Variants in NIM1K observed in about 807,000 individuals in gnomAD.
The protein encoded by NIM1K is serine/threonine-protein kinase NIM1.
NIM1K carries 35 observed loss-of-function variants against 37.1 expected under a neutral mutation model. That is an observed-to-expected ratio of 0.94 (90% CI 0.72 to 1.25). The LOEUF is 1.25. Among genes scored for constraint, NIM1K ranks in the 50% most tolerant of loss-of-function variants. The probability of loss-of-function intolerance (pLI) is 0.00; values close to 1 mark genes in which losing one functional copy is unlikely to be tolerated. For synonymous variants in NIM1K, 234 were observed against 206.6 expected (o/e 1.13, Z -1.14); for missense variants, 564 against 548.0 (o/e 1.03, Z -0.29).
At chr5:43,271,766 C>A (rs1166012064) in intron 2 of NIM1K, among the ~76,000 whole-genome samples, 5 of 152,172 alleles carry the variant, frequency 3.3e-5, no homozygotes, top group African/African-American at 9.7e-5. Context: ...AGTAAAGATA[C>A]AGGACAAGTC....
At chr5:43,225,368 T>C (rs1752440909) in intron 1 of NIM1K, 1 of 151,522 alleles carries the variant, frequency 6.6e-6, no homozygotes, top group Admixed American at 6.6e-5. Flanking sequence ...TTAAAAGGAC[T>C]TGCATTCCTC....
chr5:43,237,838 CTGTACTGTT>C (rs1352191127), intron 1 of NIM1K, among the ~76,000 whole-genome samples: 1 of 151,948 alleles, frequency 6.6e-6, no homozygotes, highest in Non-Finnish European at 1.5e-5. Context: ...TTTTTTCTCA[CTGTACTGTT>C]TTTTAAATTT....
At chr5:43,255,754 A>AAAAAAAGAAAGAAAGAAAG (rs112325348) in intron 2 of NIM1K, among the ~76,000 whole-genome samples, 47 of 131,888 alleles carry the variant, frequency 3.6e-4, no homozygotes, top group African/African-American at 1.1e-3. Context: ...TCTCAAAAAA[A>AAAAAAAGAAAGAAAGAAAG]AAAGAAAGAA....
chr5:43,244,586 T>C (rs1030334440), intron 1 of NIM1K, among the ~76,000 whole-genome samples: 1 of 151,998 alleles, frequency 6.6e-6, no homozygotes, highest in Non-Finnish European at 1.5e-5. Flanking sequence ...AAAAAGTGAA[T>C]GTAGGAGGAA....
chr5:43,275,561 C>T (rs1001628963), intron 2 of NIM1K, among the ~76,000 whole-genome samples: 1 of 152,224 alleles, frequency 6.6e-6, no homozygotes, highest in African/African-American at 2.4e-5. Flanking sequence ...CTCCTGGCCT[C>T]ACCAGCACGC....
chr5:43,194,798 A>G (rs1002712746), intron 1 of NIM1K: 1 of 152,122 alleles, frequency 6.6e-6, no homozygotes, highest in Non-Finnish European at 1.5e-5. Context: ...GGGTCTCGCC[A>G]TGTTGCCCAG....
chr5:43,226,736 C>T (rs926394394), intron 1 of NIM1K, among the ~76,000 whole-genome samples: 15 of 152,288 alleles, frequency 9.8e-5, no homozygotes, highest in African/African-American at 3.6e-4. Flanking sequence ...GGATGAACCC[C>T]TCAGTGCATG....
chr5:43,271,051 C>G (rs540477764), intron 2 of NIM1K, among the ~76,000 whole-genome samples: 1 of 151,762 alleles, frequency 6.6e-6, no homozygotes, highest in Admixed American at 6.6e-5. Flanking sequence ...AATTACAAGC[C>G]TGATCATGTA....
At chr5:43,208,103 CTTTTGT>C (rs1752143849) in intron 1 of NIM1K, among the ~76,000 whole-genome samples, 1 of 151,964 alleles carries the variant, frequency 6.6e-6, no homozygotes, top group African/African-American at 2.4e-5. Context: ...TCAATGTGGG[CTTTTGT>C]TTTTGTTTTT....
chr5:43,250,481 A>C (rs546258107), intron 2 of NIM1K, among the ~76,000 whole-genome samples: 1 of 152,342 alleles, frequency 6.6e-6, no homozygotes, highest in African/African-American at 2.4e-5. Context: ...CCTAGAAGTT[A>C]GCTGTCTTGG....
At chr5:43,274,368 A>G (rs1224698908) in intron 2 of NIM1K, among the ~76,000 whole-genome samples, 1 of 150,978 alleles carries the variant, frequency 6.6e-6, no homozygotes, top group Admixed American at 6.7e-5. Flanking sequence ...CAGCAGAGTG[A>G]TGATACCTTA....
intron 1 of NIM1K, among the ~76,000 whole-genome samples, chr5:43,213,528 C>G (rs1429363567): frequency 6.6e-6 from 1 of 151,228 alleles, no homozygotes; most frequent in African/African-American, 2.4e-5. Flanking sequence ...GAGTCTCGCT[C>G]TGTCACCCAG....
At chr5:43,208,963 A>G (rs1292008964) in intron 1 of NIM1K, among the ~76,000 whole-genome samples, 1 of 152,232 alleles carries the variant, frequency 6.6e-6, no homozygotes, top group African/African-American at 2.4e-5. Context: ...AGGCAAGTCC[A>G]TGGGTGTGTA....
chr5:43,196,112 C>G (rs775627300), intron 1 of NIM1K, among the ~76,000 whole-genome samples: 11 of 152,206 alleles, frequency 7.2e-5, no homozygotes, highest in East Asian at 1.9e-4. Flanking sequence ...AGGCAGCTGT[C>G]TTTTCGGGTC....
intron 2 of NIM1K, among the ~76,000 whole-genome samples, chr5:43,262,989 G>A (rs1174764373): frequency 6.6e-6 from 1 of 152,146 alleles, no homozygotes; most frequent in Non-Finnish European, 1.5e-5. Flanking sequence ...TAAGCTTTTT[G>A]ATGTGCTGCT....
At position 43,266,097 on chromosome 5, in the gene NIM1K, G is replaced by T. The variant is rs182619455; in HGVS notation, c.293-10960G>T. On this transcript the variant is annotated intron_variant, in intron 2 of 3. Coordinates refer to ENST00000326035, the MANE Select transcript of NIM1K (RefSeq NM_153361.4). ...ACCCACTTGAGGAGGAAGTCTGTCC[G>T]TTCTCAGATCTCACACTCTGTGCTG... Among the ~76,000 whole-genome samples, 55 of 152,328 alleles carry T rather than the reference G, an allele frequency of 3.6e-4. 1 individual carries two copies. The highest frequency in any genetic ancestry group is 1.3e-3 in the African/African-American group (53 of 41,570).
chr5:43,235,120 C>G (rs985280142), intron 1 of NIM1K, among the ~76,000 whole-genome samples: 1 of 152,124 alleles, frequency 6.6e-6, no homozygotes, highest in Non-Finnish European at 1.5e-5. Flanking sequence ...GTAATTCTTA[C>G]AAATATAATG....
chr5:43,236,091 A>G (rs1404205595), intron 1 of NIM1K, among the ~76,000 whole-genome samples: 1 of 151,882 alleles, frequency 6.6e-6, no homozygotes, highest in African/African-American at 2.4e-5. Context: ...CCTGGACAAC[A>G]TGGCAAAACC....
At position 43,280,712 on chromosome 5, in the gene NIM1K, T is replaced by G. The variant is rs766737978; in HGVS notation, c.1294T>G (p.Phe432Val). ...CAGAGGGATAAGACACACATCCAAATTTTGCTCGATTTTATAAATTGCACT... is the reference window on the plus strand; with the variant it reads ...CAGAGGGATAAGACACACATCCAAAGTTTGCTCGATTTTATAAATTGCACT... ...VYRGIRHTSK[F>V]CSIL The change falls in exon 4 of 4, where the codon TTT (phenylalanine) becomes GTT (valine). Residue 432 changes from phenylalanine (F) to valine (V), a missense_variant. Phe to Val is a conservative substitution (Grantham distance 50). Coordinates refer to ENST00000326035, the MANE Select transcript of NIM1K (RefSeq NM_153361.4). The G allele has an allele frequency of 1.3e-6, 2 of 1,594,948 alleles. No homozygotes were observed. Among genetic ancestry groups the G allele is most frequent in the African/African-American group, 1.4e-5 (1 of 73,490 alleles).
Sources: gnomAD v4.1 joint callset for allele counts (sites outside exome capture counted in the v4.1 genomes callset) on GRCh38, gnomAD v4.1.1 for gene constraint, MANE v1.5 for transcripts, NCBI Gene and HGNC (gene_info 2026-07-23, HGNC 2026-07-21) for gene names.